TLK1: variants seen among roughly 807,000 people sequenced by gnomAD.
The protein encoded by TLK1 is serine/threonine-protein kinase tousled-like 1.
TLK1 carries 24 observed loss-of-function variants against 105.3 expected under a neutral mutation model. The ratio of observed to expected loss-of-function variants is 0.23; its 90% confidence interval spans 0.17 to 0.32. The LOEUF (loss-of-function observed/expected upper bound fraction) is 0.32, where lower values mean the gene tolerates loss of function less well. Among genes scored for constraint, TLK1 ranks in the 10% least tolerant of loss-of-function variants. TLK1 has a pLI of 1.00. For synonymous variants in TLK1, 321 were observed against 310.4 expected, an observed-to-expected ratio of 1.03 and a Z score of -0.36; for missense variants, 558 against 910.5, an observed-to-expected ratio of 0.61 and a Z score of 4.98.
chr2:171,203,796 T>C (rs1003631149), intron 1 of TLK1, among the ~76,000 whole-genome samples: 3 of 152,176 alleles, frequency 2.0e-5, no homozygotes, highest in Non-Finnish European at 4.4e-5. Flanking sequence ...ATGACTGTAA[T>C]CTCAGCACTT....
intron 2 of TLK1, among the ~76,000 whole-genome samples, chr2:171,106,407 A>T (rs1328242723): frequency 6.6e-6 from 1 of 152,230 alleles, no homozygotes; most frequent in African/African-American, 2.4e-5. Context: ...CCCTGATCTG[A>T]TCATTATGCA....
chr2:171,188,646 G>A (rs1171535806), intron 1 of TLK1, among the ~76,000 whole-genome samples: 1 of 150,686 alleles, frequency 6.6e-6, no homozygotes, highest in Non-Finnish European at 1.5e-5. Context: ...GGCAGAGGTT[G>A]CAGTGAGCCA....
At chr2:171,151,611 A>T (rs997944653) in intron 1 of TLK1, among the ~76,000 whole-genome samples, 5 of 150,852 alleles carry the variant, frequency 3.3e-5, no homozygotes, top group African/African-American at 1.2e-4. Flanking sequence ...AGTAGCTGGG[A>T]CTACAGGCGC....
intron 2 of TLK1, among the ~76,000 whole-genome samples, chr2:171,086,985 G>A (rs1689009152): frequency 6.6e-6 from 1 of 152,116 alleles, no homozygotes; most frequent in South Asian, 2.1e-4. Context: ...ACAACTAGCA[G>A]GGATGTCAGT....
chr2:171,230,115 C>G (rs534129816), intron 1 of TLK1, among the ~76,000 whole-genome samples: 1 of 152,294 alleles, frequency 6.6e-6, no homozygotes, highest in South Asian at 2.1e-4. Flanking sequence ...CACCATCTAA[C>G]TCTTTTTATC....
chr2:171,107,414 T>C (rs986342112), intron 2 of TLK1, among the ~76,000 whole-genome samples: 6 of 152,214 alleles, frequency 3.9e-5, no homozygotes, highest in Admixed American at 3.3e-4. Context: ...GGAAAACATA[T>C]GATCCTTGCC....
intron 3 of TLK1, among the ~76,000 whole-genome samples, chr2:171,064,125 A>C (rs1004683399): frequency 1.3e-5 from 2 of 152,226 alleles, no homozygotes; most frequent in African/African-American, 4.8e-5. Context: ...TAAAGAAGGC[A>C]ACAAGTTTAC....
intron 2 of TLK1, among the ~76,000 whole-genome samples, chr2:171,102,639 A>G (rs1337081023): frequency 1.3e-5 from 2 of 152,246 alleles, no homozygotes; most frequent in Non-Finnish European, 2.9e-5. Context: ...CGTTATTTCT[A>G]AAACGGTTTG....
At position 171,171,576 on chromosome 2, in the gene TLK1, CA is replaced by C. The variant is rs368561115; in HGVS notation, c.-5-53720del. On this transcript the variant is annotated intron_variant, in intron 1 of 20. Coordinates refer to the TLK1 transcript ENST00000521943. ...AGATAGTTGCAATACATATATTTGA[CA>C]AAGGACTTGTATTCAGAATATGTAA... Among the ~76,000 whole-genome samples, 99 of 148,020 alleles carry C rather than the reference CA, an allele frequency of 6.7e-4. 1 individual carries two copies. The South Asian group carries it at 0.02, about 30-fold the overall frequency.
intron 1 of TLK1, among the ~76,000 whole-genome samples, chr2:171,123,053 TAAATACACACACACAC>T (rs1004266088): frequency 3.3e-5 from 3 of 91,474 alleles, no homozygotes; most frequent in Middle Eastern, 0.011. Flanking sequence ...AATAAATAAA[TAAATACACACACACAC>T]ACACACACAC....
chr2:171,164,631 GA>G (rs955209381), upstream of TLK1, among the ~76,000 whole-genome samples: 1 of 152,084 alleles, frequency 6.6e-6, no homozygotes, highest in African/African-American at 2.4e-5. Context: ...TTTATATTCA[GA>G]AAAAGTTCAA....
intron 20 of TLK1, among the ~76,000 whole-genome samples, chr2:170,995,270 G>A (rs998088640): frequency 3.9e-5 from 6 of 152,116 alleles, no homozygotes; most frequent in Non-Finnish European, 7.4e-5. Flanking sequence ...CCCACACCAA[G>A]TCAGGGAAAG....
At chr2:170,996,866 G>T in intron 19 of TLK1, 106 bp from the exon 20 acceptor site, 2 of 920,752 alleles carry the variant, frequency 2.2e-6, no homozygotes, top group South Asian at 1.8e-5. Context: ...CAAATATCTT[G>T]TGTTCTAAAA....
Position 171,082,861 on chromosome 2 carries a change from G to A in TLK1, c.259-9C>T. 1 of 1,593,332 alleles carries A rather than the reference G, an allele frequency of 6.3e-7. No individual in the cohort carries two copies. Among genetic ancestry groups the A allele is most frequent in the South Asian group, 1.2e-5 (1 of 85,752 alleles). ...TCGTTATTTGTTGAGGCCTGTTAAA[G>A]ATTTTTTAAAAGGTAAAAATTAGGA... On this transcript the variant is annotated splice_polypyrimidine_tract_variant and intron_variant, in intron 2 of 20. Transcript: ENST00000431350.
chr2:171,067,912 G>A (rs1445804735), intron 3 of TLK1, among the ~76,000 whole-genome samples: 1 of 152,106 alleles, frequency 6.6e-6, no homozygotes, highest in East Asian at 1.9e-4. Flanking sequence ...GAGAATGATG[G>A]TTTCCAGCTT....
intron 1 of TLK1, among the ~76,000 whole-genome samples, chr2:171,138,098 C>CTT (rs1271525779): frequency 6.6e-6 from 1 of 152,082 alleles, no homozygotes; most frequent in African/African-American, 2.4e-5. Flanking sequence ...ACTTTTATCA[C>CTT]TTTCTTAAAA....
At chr2:171,161,125 C>G (rs551585925), upstream of TLK1, among the ~76,000 whole-genome samples, 2,347 of 146,002 alleles carry the variant, frequency 0.016, 42 homozygotes, top group Non-Finnish European at 0.021. Flanking sequence ...GATCGCCGCG[C>G]GGCGCGGGAG....
chr2:171,149,669 G>T (rs1302917894), intron 1 of TLK1, among the ~76,000 whole-genome samples: 1 of 152,214 alleles, frequency 6.6e-6, no homozygotes, highest in East Asian at 1.9e-4. Context: ...ACTTTGGGAG[G>T]CAGAGGCAGG....
At chr2:171,022,900 G>T in intron 12 of TLK1, 2 of 351,120 alleles carry the variant, frequency 5.7e-6, no homozygotes, top group East Asian at 1.5e-4. Flanking sequence ...ATTCTCCACT[G>T]TTCAAAAGGC....
Sources: gnomAD v4.1 joint callset for allele counts (sites outside exome capture counted in the v4.1 genomes callset) on GRCh38, gnomAD v4.1.1 for gene constraint, MANE v1.5 for transcripts, NCBI Gene and HGNC (gene_info 2026-07-23, HGNC 2026-07-21) for gene names.